Variants in CHRM3 observed in about 807,000 individuals in gnomAD.
CHRM3 encodes the protein muscarinic acetylcholine receptor M3.
Under a neutral mutation model 41.8 loss-of-function variants are expected in CHRM3, and 11 were observed. The ratio of observed to expected loss-of-function variants is 0.26; its 90% CI spans 0.17 to 0.44. CHRM3 has a LOEUF of 0.44. Among genes scored for constraint, CHRM3 ranks in the 20% least tolerant of loss-of-function variants. The pLI is 1.00. For synonymous variants in CHRM3, 297 were observed against 301.4 expected, an observed-to-expected ratio of 0.99 and a Z score of 0.15; for missense variants, 571 against 745.4, an observed-to-expected ratio of 0.77 and a Z score of 2.72.
intron 5 of CHRM3, among the ~76,000 whole-genome samples, chr1:239,684,746 AAGAG>A (rs753473666): frequency 8.9e-6 from 1 of 112,056 alleles, no homozygotes; most frequent in Admixed American, 9.4e-5. Context: ...GAGAGAAAGA[AAGAG>A]AAAGAAAGAA....
intron 5 of CHRM3, among the ~76,000 whole-genome samples, chr1:239,692,768 A>G (rs1659839386): frequency 6.6e-6 from 1 of 152,184 alleles, no homozygotes; most frequent in South Asian, 2.1e-4. Context: ...GCAACCACCA[A>G]TGTAAAGGCT....
At chr1:239,588,758 C>T (rs1404889373) in intron 3 of CHRM3, among the ~76,000 whole-genome samples, 1 of 152,028 alleles carries the variant, frequency 6.6e-6, no homozygotes, top group African/African-American at 2.4e-5. Context: ...TGGAGTGCTA[C>T]CATCTACAAA....
At chr1:239,650,634 C>T (rs1308660092) in intron 4 of CHRM3, among the ~76,000 whole-genome samples, 1 of 152,116 alleles carries the variant, frequency 6.6e-6, no homozygotes, top group African/African-American at 2.4e-5. Context: ...TGGCCCAGGA[C>T]AAGCATTTCA....
intron 3 of CHRM3, among the ~76,000 whole-genome samples, chr1:239,593,396 T>C (rs1348696546): frequency 6.6e-6 from 1 of 152,188 alleles, no homozygotes; most frequent in African/African-American, 2.4e-5. Flanking sequence ...GATTTCTTCT[T>C]TAGTTTCCAT....
chr1:239,825,690 A>G (rs1483201165), intron 5 of CHRM3, among the ~76,000 whole-genome samples: 1 of 152,228 alleles, frequency 6.6e-6, no homozygotes, highest in Non-Finnish European at 1.5e-5. Flanking sequence ...AATATCATTC[A>G]GTCTTAAAAA....
At position 239,429,275 on chromosome 1, in the gene CHRM3, T is replaced by C. The variant is rs552124698; in HGVS notation, c.-521+42048T>C. Among the ~76,000 whole-genome samples, 6 of 152,330 alleles carry C rather than the reference T, an allele frequency of 3.9e-5. 1 individual carries two copies. Among genetic ancestry groups the C allele is most frequent in the African/African-American group, 1.4e-4 (6 of 41,580 alleles). The stretch of plus-strand genomic sequence containing the variant: ...TTTATTTTTCCGCCTGTCAAATGAA[T>C]ATAGTGGTAGCTCTGGCTGAGAAGA... On this transcript the variant is annotated intron_variant, in intron 1 of 6. Transcript: ENST00000676153.
intron 1 of CHRM3, among the ~76,000 whole-genome samples, chr1:239,399,061 C>T (rs1399789117): frequency 6.6e-6 from 1 of 152,152 alleles, no homozygotes; most frequent in Non-Finnish European, 1.5e-5. Flanking sequence ...CAGGAACCAC[C>T]ATGGGCAAAG....
intron 4 of CHRM3, among the ~76,000 whole-genome samples, chr1:239,667,417 C>T (rs1436726774): frequency 6.6e-6 from 1 of 152,188 alleles, no homozygotes; most frequent in African/African-American, 2.4e-5. Context: ...TGTGCGGAGA[C>T]TCATGCAGAC....
intron 1 of CHRM3, among the ~76,000 whole-genome samples, chr1:239,403,249 C>T (rs1283183111): frequency 2.0e-5 from 3 of 152,148 alleles, no homozygotes; most frequent in East Asian, 1.9e-4. Context: ...GCTTTAGGTA[C>T]CTGTGCAGGC....
At chr1:239,742,867 C>A (rs1021072091) in intron 5 of CHRM3, among the ~76,000 whole-genome samples, 2 of 152,132 alleles carry the variant, frequency 1.3e-5, no homozygotes, top group Non-Finnish European at 1.5e-5. Flanking sequence ...GAAATGAAAC[C>A]ACAAAAATAT....
rs529545173 is a variant in CHRM3, at chr1:239,779,825, A to C, written c.-146-47427A>C. 1.6e-4 allele frequency among the ~76,000 whole-genome samples: 24 copies of C among 152,354 alleles called. 1 individual carries two copies. The Middle Eastern group carries it at 0.01, about 65-fold the overall frequency. The stretch of plus-strand genomic sequence containing the variant: ...GCACCCTAACCTCTGGCAGCCACTG[A>C]TCTTTTTACTGTCTCCATATATTTG... On this transcript the variant is annotated intron_variant, in intron 5 of 6. Coordinates refer to ENST00000676153, the MANE Select transcript of CHRM3 (RefSeq NM_001375978.1).
intron 3 of CHRM3, among the ~76,000 whole-genome samples, chr1:239,616,072 A>G (rs1262622981): frequency 6.6e-6 from 1 of 152,240 alleles, no homozygotes; most frequent in Non-Finnish European, 1.5e-5. Flanking sequence ...AATAAATGAA[A>G]GAACCTTAAA....
At chr1:239,825,634 T>C (rs1392226546) in intron 5 of CHRM3, among the ~76,000 whole-genome samples, 6 of 152,226 alleles carry the variant, frequency 3.9e-5, no homozygotes, top group Non-Finnish European at 7.3e-5. Flanking sequence ...TAGGTGTCCA[T>C]TGATGGATGA....
intron 5 of CHRM3, among the ~76,000 whole-genome samples, chr1:239,684,766 GAA>G (rs759296694): frequency 6.3e-5 from 9 of 142,724 alleles, no homozygotes; most frequent in Non-Finnish European, 1.1e-4. Flanking sequence ...AAGAAAGAAA[GAA>G]AGAGAAAGAG....
chr1:239,850,146 T>C (rs1674583923), intron 6 of CHRM3, among the ~76,000 whole-genome samples: 2 of 152,190 alleles, frequency 1.3e-5, no homozygotes, highest in Admixed American at 6.5e-5. Context: ...GACACATATT[T>C]TGTTTGTTAT....
intron 4 of CHRM3, among the ~76,000 whole-genome samples, chr1:239,635,964 A>C (rs911813791): frequency 6.6e-6 from 1 of 152,188 alleles, no homozygotes; most frequent in Non-Finnish European, 1.5e-5. Flanking sequence ...GAAAAAGAAA[A>C]CAGAGAAAAA....
chr1:239,583,444 A>G (rs556490228), intron 3 of CHRM3, among the ~76,000 whole-genome samples: 1 of 152,358 alleles, frequency 6.6e-6, no homozygotes, highest in Non-Finnish European at 1.5e-5. Context: ...CGTGAGAGCT[A>G]TAAGGCACAA....
intron 1 of CHRM3, among the ~76,000 whole-genome samples, chr1:239,457,198 T>A (rs1366389215): frequency 6.6e-6 from 1 of 152,194 alleles, no homozygotes; most frequent in Admixed American, 6.5e-5. Flanking sequence ...GTTACTTAAC[T>A]TTTTAAGCCT....
intron 6 of CHRM3, among the ~76,000 whole-genome samples, chr1:239,843,389 A>C (rs1673984769): frequency 6.8e-6 from 1 of 147,772 alleles, no homozygotes; most frequent in Admixed American, 6.8e-5. Flanking sequence ...TTTTAACCTA[A>C]TCTCTTAGAT....
Sources: allele counts gnomAD v4.1 joint callset (sites outside exome capture counted in the v4.1 genomes callset), GRCh38; gene constraint gnomAD v4.1.1; transcripts MANE v1.5; gene names NCBI Gene and HGNC (gene_info 2026-07-23, HGNC 2026-07-21).